Variants in NPFFR2 observed in about 807,000 individuals in gnomAD.
NPFFR2 encodes G-protein coupled receptor 74.
NPFFR2 carries 15 observed loss-of-function variants against 13.1 expected under a neutral mutation model. That is an observed-to-expected ratio of 1.15 (90% confidence interval 0.77 to 1.76). The LOEUF is 1.76. Ranked by LOEUF, NPFFR2 falls within the 40% of genes most tolerant of loss-of-function variation. The pLI, the probability that NPFFR2 is intolerant of heterozygous loss-of-function variation, is 0.00. For synonymous variants in NPFFR2, 190 were observed against 175.7 expected, an observed-to-expected ratio of 1.08 and a Z score of -0.65; for missense variants, 572 against 503.5, an observed-to-expected ratio of 1.14 and a Z score of -1.30.
At chr4:72,065,205 T>C (rs559226804) in intron 1 of NPFFR2, among the ~76,000 whole-genome samples, 1 of 152,114 alleles carries the variant, frequency 6.6e-6, no homozygotes, top group East Asian at 1.9e-4. Context: ...TATTTTTGAA[T>C]GAAATAATTC....
At chr4:72,061,727 G>C (rs1350496525) in intron 1 of NPFFR2, among the ~76,000 whole-genome samples, 1 of 152,090 alleles carries the variant, frequency 6.6e-6, no homozygotes, top group Admixed American at 6.6e-5. Flanking sequence ...AGTAGGAGTT[G>C]AACAATGAGA....
chr4:72,090,286 A>T (rs949710474), intron 1 of NPFFR2, among the ~76,000 whole-genome samples: 1 of 151,880 alleles, frequency 6.6e-6, no homozygotes, highest in African/African-American at 2.4e-5. Context: ...TTTTTGCTTC[A>T]TCTTGCTTTG....
intron 2 of NPFFR2, among the ~76,000 whole-genome samples, chr4:72,131,354 G>C (rs1275875952): frequency 6.7e-6 from 1 of 149,438 alleles, no homozygotes; most frequent in South Asian, 2.1e-4. Context: ...CAAAAAGAGG[G>C]TGTACACCGC....
At chr4:72,043,410 C>A (rs1352673355) in intron 1 of NPFFR2, among the ~76,000 whole-genome samples, 4 of 152,192 alleles carry the variant, frequency 2.6e-5, no homozygotes, top group African/African-American at 9.6e-5. Flanking sequence ...TGACAGCTTG[C>A]ACCATGCACC....
rs1722839648 is a variant in NPFFR2 at position 72,147,855 on chromosome 4, A to G, written c.*43A>G. The G allele has an allele frequency of 2.3e-6, 3 of 1,323,970 alleles. No homozygotes were observed. The highest frequency in any genetic ancestry group is 3.1e-6 in the Non-Finnish European group (3 of 982,128). The allele number at this position is 1,323,970 out of a possible 1,614,324, so 82.0% of individuals were successfully genotyped here. A position where few individuals can be genotyped will look rare whatever the true frequency, so the allele number is the denominator to read the frequency against. ...ATCCTAACTCTACTACGCATTATAT[A>G]TTTAAATCCATTGCTTTTTGTGGCT... On this transcript the variant is annotated 3_prime_UTR_variant, in exon 4 of 4. Coordinates refer to ENST00000308744, the MANE Select transcript of NPFFR2 (RefSeq NM_004885.3).
intron 1 of NPFFR2, among the ~76,000 whole-genome samples, chr4:72,046,070 A>T (rs2109760049): frequency 6.6e-6 from 1 of 152,308 alleles, no homozygotes; most frequent in African/African-American, 2.4e-5. Context: ...TAGGTAATAT[A>T]ATCATGTGGT....
intron 1 of NPFFR2, among the ~76,000 whole-genome samples, chr4:72,045,533 T>C (rs1719352303): frequency 6.6e-6 from 1 of 152,206 alleles, no homozygotes; most frequent in South Asian, 2.1e-4. Flanking sequence ...CAGCTTATGA[T>C]GTATAATAAA....
At chr4:72,042,088 A>T (rs1012151995) in intron 1 of NPFFR2, among the ~76,000 whole-genome samples, 1 of 151,844 alleles carries the variant, frequency 6.6e-6, no homozygotes, top group African/African-American at 2.4e-5. Flanking sequence ...TGTGTCCCCC[A>T]CCCAAATCTC....
At chr4:72,034,475 G>A (rs979253595) in intron 1 of NPFFR2, among the ~76,000 whole-genome samples, 3 of 152,130 alleles carry the variant, frequency 2.0e-5, no homozygotes, top group African/African-American at 7.2e-5. Flanking sequence ...TAACATGGTG[G>A]TAGCTGTCCT....
intron 1 of NPFFR2, among the ~76,000 whole-genome samples, chr4:72,081,550 A>G (rs1484975537): frequency 1.3e-5 from 2 of 148,418 alleles, no homozygotes; most frequent in Admixed American, 6.9e-5. Flanking sequence ...ATGCAGTGGC[A>G]TGGTCAAGCT....
intron 1 of NPFFR2, among the ~76,000 whole-genome samples, chr4:72,059,784 A>G (rs559250755): frequency 6.6e-6 from 1 of 152,214 alleles, no homozygotes; most frequent in South Asian, 2.1e-4. Flanking sequence ...GCATGTTTGC[A>G]GACCTACTGG....
At chr4:72,110,930 C>A (rs1721548996) in intron 1 of NPFFR2, among the ~76,000 whole-genome samples, 1 of 151,932 alleles carries the variant, frequency 6.6e-6, no homozygotes. Context: ...CAATAGCATT[C>A]TTAGATTGAA....
intron 1 of NPFFR2, among the ~76,000 whole-genome samples, chr4:72,076,177 GA>G (rs1170891118): frequency 7.1e-5 from 2 of 28,000 alleles, no homozygotes; most frequent in Non-Finnish European, 8.3e-4. Context: ...CTATGTTATG[GA>G]GTTTTTTTTT....
rs147886196 is a variant in NPFFR2, at chr4:72,141,253, A to G, written c.428+3114A>G. On this transcript the variant is annotated intron_variant, in intron 3 of 3. Transcript: ENST00000308744. ...TTTTTTAAGGGTTTTTTGTGTCTCT[A>G]TCTCCTTCAGTTCTGCTCTGATCTT... 2.6e-3 allele frequency among the ~76,000 whole-genome samples: 397 copies of G among 150,298 alleles called. 4 individuals carry two copies. Among genetic ancestry groups the G allele is most frequent in the African/African-American group, 9.2e-3 (377 of 41,030 alleles).
intron 1 of NPFFR2, among the ~76,000 whole-genome samples, chr4:72,088,059 T>A (rs1304693345): frequency 6.6e-6 from 1 of 152,034 alleles, no homozygotes; most frequent in Non-Finnish European, 1.5e-5. Flanking sequence ...ATACCTCTTT[T>A]CACTACTTAA....
Position 72,128,896 on chromosome 4 carries a change from C to A in NPFFR2, c.305C>A (p.Thr102Lys), listed in dbSNP as rs1210993544. ...LLVGIFCMPI[T>K]LLDNIIAGWP... is the part of the protein sequence containing the mutation. ...GTTGGCATATTCTGCATGCCTATAA[C>A]ACTGCTGGACAATATTATAGCAGGT... is the stretch of plus-strand genomic sequence containing the variant. The change falls in exon 2 of 4, where the codon ACA becomes AAA. Residue 102 changes from threonine (T) to lysine (K), a missense_variant. Coordinates refer to ENST00000308744, the MANE Select transcript of NPFFR2 (RefSeq NM_004885.3). 1 of 1,610,940 alleles carries A rather than the reference C, an allele frequency of 6.2e-7. No homozygotes were observed. The highest frequency in any genetic ancestry group is 8.5e-7 in the Non-Finnish European group (1 of 1,177,392).
At chr4:72,144,457 G>A (rs186614542) in intron 3 of NPFFR2, among the ~76,000 whole-genome samples, 98 of 152,248 alleles carry the variant, frequency 6.4e-4, no homozygotes, top group African/African-American at 2.3e-3. Flanking sequence ...TTTTAAAACT[G>A]CCACATCTTT....
intron 1 of NPFFR2, 83 bp downstream of exon 1, chr4:72,032,283 A>T (rs1718946257): frequency 1.4e-6 from 2 of 1,387,464 alleles, no homozygotes; most frequent in Admixed American, 5.2e-5. Flanking sequence ...CCTTGATGAC[A>T]CATATTAGCG....
chr4:72,042,245 G>T (rs1719242359), intron 1 of NPFFR2, among the ~76,000 whole-genome samples: 1 of 152,136 alleles, frequency 6.6e-6, no homozygotes. Flanking sequence ...GGAAATGTTT[G>T]CTTCCCTTTC....
Sources: allele counts gnomAD v4.1 joint callset (sites outside exome capture counted in the v4.1 genomes callset), GRCh38; gene constraint gnomAD v4.1.1; transcripts MANE v1.5; gene names NCBI Gene and HGNC (gene_info 2026-07-23, HGNC 2026-07-21).